LITAF: variants seen among roughly 807,000 people sequenced by gnomAD.
LITAF encodes lipopolysaccharide induced TNF factor.
A neutral mutation model predicts 14.5 loss-of-function variants in LITAF; 9 were observed. That is an observed-to-expected ratio of 0.62 (90% CI 0.37 to 1.08). LITAF has a LOEUF of 1.08. Among genes scored for constraint, LITAF ranks in the 50% least tolerant of loss-of-function variants. The pLI is 0.01. For missense variants in LITAF, 206 were observed against 213.4 expected (o/e 0.97, Z 0.22); for synonymous variants, 98 against 88.2 (o/e 1.11, Z -0.62).
At chr16:11,552,245 C>T (rs1435598632) in intron 3 of LITAF, among the ~76,000 whole-genome samples, 3 of 152,120 alleles carry the variant, frequency 2.0e-5, no homozygotes, top group South Asian at 2.1e-4. Context: ...GAGTGGCTCA[C>T]GTGGCCAGGT....
chr16:11,623,115 C>T (rs1597374788), intron 3 of LITAF, among the ~76,000 whole-genome samples: 1 of 151,614 alleles, frequency 6.6e-6, no homozygotes, highest in East Asian at 2.0e-4. Flanking sequence ...AGGCGCCCAC[C>T]ACCACGCCCG....
At position 11,605,496 on chromosome 16, in the gene LITAF, G is replaced by A. The variant is rs574398820; in HGVS notation, c.85+28037C>T. Among the ~76,000 whole-genome samples, 6 of 152,082 alleles carry A rather than the reference G, an allele frequency of 3.9e-5. No individual in the cohort carries two copies. Among genetic ancestry groups the A allele is most frequent in the South Asian group, 2.1e-4 (1 of 4,828 alleles). ...GTGTCTCTCTTTACAGCCCAGAGCC[G>A]CACAGGAGGGAGACTCCTAGGCAGG... On this transcript the variant is annotated intron_variant, in intron 3 of 3. Transcript: ENST00000574848. This position sits in a 1 kb window ranked among gnomAD's most constrained non-coding sequence, Gnocchi z 4.7.
rs182261363 is a variant in LITAF, at chr16:11,585,619, T to C, written c.-6+1267A>G. ...TGTAGGCATCTGGGTTAGTCCTAAA[T>C]AGGAAGTCCTAAAAAGAGTCACTCT... On this transcript the variant is annotated intron_variant, in intron 1 of 3. Transcript: ENST00000622633. Among the ~76,000 whole-genome samples the C allele has an allele frequency of 1.0e-3, 154 of 152,198 alleles. 1 individual carries two copies. The South Asian group carries it at 0.016, about 16-fold the overall frequency.
At chr16:11,638,615 C>T (rs12708734), upstream of LITAF, among the ~76,000 whole-genome samples, 53,836 of 145,742 alleles carry the variant, frequency 0.37, 11,303 homozygotes, top group African/African-American at 0.6. Context: ...GCAGGAGAAT[C>T]ATTTGAACCC....
intron 1 of LITAF, among the ~76,000 whole-genome samples, chr16:11,576,639 C>G: frequency 6.6e-6 from 1 of 150,812 alleles, no homozygotes; most frequent in East Asian, 2.0e-4. Flanking sequence ...AGGCTGCCAA[C>G]AGTCCAACAT....
intron 1 of LITAF, among the ~76,000 whole-genome samples, chr16:11,596,605 A>G (rs2064889328): frequency 1.1e-4 from 1 of 8,848 alleles, no homozygotes; most frequent in Non-Finnish European, 2.1e-4. Flanking sequence ...GGAGGGAGGA[A>G]AGGAGGAAGG....
At chr16:11,577,366 G>A (rs1411062266) in intron 1 of LITAF, among the ~76,000 whole-genome samples, 1 of 139,978 alleles carries the variant, frequency 7.1e-6, no homozygotes, top group Admixed American at 8.1e-5. Flanking sequence ...TGCCCAGGCT[G>A]GAGTGCAGTG....
chr16:11,617,978 C>T (rs548507434), intron 3 of LITAF, among the ~76,000 whole-genome samples: 5 of 152,162 alleles, frequency 3.3e-5, no homozygotes, highest in African/African-American at 1.2e-4. Flanking sequence ...TCAAACGATC[C>T]TCCCACCTCA....
In LITAF at chr16:11,632,446, G is replaced by T. The variant is rs2065122714; in HGVS notation, c.85+1087C>A. On this transcript the variant is annotated intron_variant, in intron 3 of 3. Transcript: ENST00000574848. This position sits in a 1 kb window ranked among gnomAD's most constrained non-coding sequence, Gnocchi z 4.8. ...GGGCTACTATGCTCCACTGTCTGCT[G>T]GAAACCCTGTTGACAAAGGAGGAAG... is the stretch of plus-strand genomic sequence containing the variant. Among the ~76,000 whole-genome samples, 1 of 152,044 alleles carries T rather than the reference G, an allele frequency of 6.6e-6. No individual in the cohort carries two copies. Among genetic ancestry groups the T allele is most frequent in the African/African-American group, 2.4e-5 (1 of 41,418 alleles).
intron 1 of LITAF, among the ~76,000 whole-genome samples, chr16:11,567,157 C>T (rs529671742): frequency 3.3e-5 from 5 of 151,922 alleles, no homozygotes; most frequent in East Asian, 3.9e-4. Flanking sequence ...CAGTGGCTCA[C>T]GCCTGTAATC....
intron 1 of LITAF, among the ~76,000 whole-genome samples, chr16:11,571,929 T>A (rs1163390712): frequency 6.6e-6 from 1 of 151,780 alleles, no homozygotes; most frequent in Non-Finnish European, 1.5e-5. Context: ...AAACTCTGTC[T>A]CTTTTTTTAA....
intron 3 of LITAF, among the ~76,000 whole-genome samples, chr16:11,626,455 T>C (rs923670511): frequency 6.7e-6 from 1 of 149,522 alleles, no homozygotes; most frequent in Non-Finnish European, 1.5e-5. Flanking sequence ...GGGATTCTTC[T>C]GCCTCAGCCT....
At chr16:11,572,383 G>A (rs926848828) in intron 1 of LITAF, among the ~76,000 whole-genome samples, 2 of 152,072 alleles carry the variant, frequency 1.3e-5, no homozygotes. Context: ...CTCAAAAGCA[G>A]GGAGATGCAA....
upstream of LITAF, among the ~76,000 whole-genome samples, chr16:11,599,797 G>C (rs189083254): frequency 1.3e-5 from 2 of 151,992 alleles, no homozygotes; most frequent in Non-Finnish European, 2.9e-5. Flanking sequence ...GAACTGTCCT[G>C]CCTCAGGACC....
At chr16:11,637,898 CTATATA>C (rs370179228), upstream of LITAF, among the ~76,000 whole-genome samples, 5 of 27,238 alleles carry the variant, frequency 1.8e-4, 1 homozygote, top group African/African-American at 3.3e-4. Context: ...AAAAAAAAAA[CTATATA>C]TATATATATC....
At chr16:11,600,486 G>C (rs1416540445), upstream of LITAF, among the ~76,000 whole-genome samples, 1 of 152,244 alleles carries the variant, frequency 6.6e-6, no homozygotes, top group Non-Finnish European at 1.5e-5. This position sits in a 1 kb window ranked among gnomAD's most constrained non-coding sequence, Gnocchi z 4.1. Flanking sequence ...CCAAGTGGGA[G>C]ACAGTTTAAA....
At chr16:11,618,609 CA>C (rs1259498378) in intron 3 of LITAF, among the ~76,000 whole-genome samples, 1 of 152,166 alleles carries the variant, frequency 6.6e-6, no homozygotes, top group African/African-American at 2.4e-5. Flanking sequence ...GCCATGGAGC[CA>C]CTGGCCATTG....
intron 1 of LITAF, among the ~76,000 whole-genome samples, chr16:11,568,679 TTTTG>T (rs2064494480): frequency 7.7e-6 from 1 of 129,242 alleles, no homozygotes. Context: ...CCTTGTTTTT[TTTTG>T]TTTTTTTTTT....
At chr16:11,588,210 A>AG (rs35030152), upstream of LITAF, among the ~76,000 whole-genome samples, 3 of 152,142 alleles carry the variant, frequency 2.0e-5, no homozygotes, top group South Asian at 6.2e-4. Context: ...TAAAATATGA[A>AG]GGGGGCGGGT....
Sources: gnomAD v4.1 joint callset for allele counts (sites outside exome capture counted in the v4.1 genomes callset) on GRCh38, gnomAD v4.1.1 for gene constraint, Gnocchi (gnomAD v3.1) non-coding constraint, MANE v1.5 for transcripts, NCBI Gene and HGNC (gene_info 2026-07-23, HGNC 2026-07-21) for gene names.